The following MMS22L variants were observed in gnomAD, a reference collection of about 807,000 sequenced individuals.
MMS22L encodes MMS22 like, DNA repair protein.
Under a neutral mutation model 159.1 loss-of-function variants are expected in MMS22L, and 74 were observed. The observed-to-expected ratio is 0.47, with a 90% confidence interval of 0.39 to 0.56. The LOEUF (loss-of-function observed/expected upper bound fraction) is 0.56, where lower values mean the gene tolerates loss of function less well. MMS22L is among the 20% of genes least tolerant of loss of function. The pLI, the probability that MMS22L is intolerant of heterozygous loss-of-function variation, is 0.00. For synonymous variants in MMS22L, 517 were observed against 506.9 expected, an observed-to-expected ratio of 1.02 and a Z score of -0.27; for missense variants, 1,351 against 1,422.1, an observed-to-expected ratio of 0.95 and a Z score of 0.80.
chr6:97,203,862 A>C (rs1322878555), intron 14 of MMS22L, among the ~76,000 whole-genome samples: 2 of 152,200 alleles, frequency 1.3e-5, no homozygotes, highest in Non-Finnish European at 2.9e-5. Context: ...GGAAGGGGCT[A>C]AATTTTCCCC....
At chr6:97,156,270 G>T (rs952933470) in intron 22 of MMS22L, among the ~76,000 whole-genome samples, 1 of 152,102 alleles carries the variant, frequency 6.6e-6, no homozygotes, top group Admixed American at 6.6e-5. Context: ...TCATTCTGTA[G>T]GTTGCCTGTT....
chr6:97,176,990 T>C (rs1804191278), intron 18 of MMS22L, among the ~76,000 whole-genome samples: 1 of 152,142 alleles, frequency 6.6e-6, no homozygotes, highest in African/African-American at 2.4e-5. Flanking sequence ...CCTACTTCTC[T>C]GTCACCCTAA....
Position 97,178,130 on chromosome 6 carries a change from G to A in MMS22L, c.2679+313C>T, listed in dbSNP as rs149312325. On this transcript the variant is annotated intron_variant, in intron 18 of 24. Coordinates refer to ENST00000683635, the MANE Select transcript of MMS22L (RefSeq NM_001350599.2). ...AAGGATATTCAGTTCCCAAGCATCT[G>A]AACAATGCGGTTGTCCAGCAACTGT... Among the ~76,000 whole-genome samples the A allele has an allele frequency of 2.0e-5, 3 of 152,222 alleles. No homozygotes were observed. In the East Asian group the frequency reaches 5.8e-4, roughly 29 times the overall value.
intron 14 of MMS22L, among the ~76,000 whole-genome samples, chr6:97,221,890 T>C (rs1358776849): frequency 6.6e-6 from 1 of 152,116 alleles, no homozygotes; most frequent in Non-Finnish European, 1.5e-5. Context: ...AAAAATTCTA[T>C]CCAGTTTCAA....
At chr6:97,278,247 A>G (rs1458616646) in intron 4 of MMS22L, among the ~76,000 whole-genome samples, 1 of 152,090 alleles carries the variant, frequency 6.6e-6, no homozygotes, top group African/African-American at 2.4e-5. Context: ...TACTAAAAAT[A>G]TAAAAATTAG....
At chr6:97,150,661 T>C (rs908948195) in intron 23 of MMS22L, among the ~76,000 whole-genome samples, 1 of 152,184 alleles carries the variant, frequency 6.6e-6, no homozygotes, top group African/African-American at 2.4e-5. Flanking sequence ...GGCTTCACAA[T>C]TTTCACAAAT....
At chr6:97,212,244 A>C (rs1002595876) in intron 14 of MMS22L, among the ~76,000 whole-genome samples, 3 of 152,230 alleles carry the variant, frequency 2.0e-5, no homozygotes, top group African/African-American at 7.2e-5. Context: ...CAATAAGTGT[A>C]CTGGCTGGAA....
chr6:97,248,830 G>A (rs1812938594), intron 10 of MMS22L, among the ~76,000 whole-genome samples: 1 of 151,750 alleles, frequency 6.6e-6, no homozygotes. Context: ...TTGCACTCCA[G>A]TCTGGGCAAC....
At chr6:97,155,927 T>G (rs549028391) in intron 22 of MMS22L, among the ~76,000 whole-genome samples, 7 of 152,306 alleles carry the variant, frequency 4.6e-5, no homozygotes, top group African/African-American at 1.7e-4. Flanking sequence ...CCACAATGGT[T>G]GAACTAATTC....
intron 9 of MMS22L, chr6:97,259,891 T>C (rs1306885188): frequency 2.0e-5 from 3 of 152,118 alleles, no homozygotes; most frequent in Admixed American, 2.0e-4. Flanking sequence ...GCATTTTAAT[T>C]TTGGAGGGTA....
At chr6:97,243,423 A>G (rs1173690686) in intron 11 of MMS22L, among the ~76,000 whole-genome samples, 1 of 152,048 alleles carries the variant, frequency 6.6e-6, no homozygotes, top group Non-Finnish European at 1.5e-5. Context: ...TTTCATTTCC[A>G]GAAGTTGTGA....
At chr6:97,229,512 G>T in intron 13 of MMS22L, 109 bp from the exon 14 acceptor site, 2 of 773,716 alleles carry the variant, frequency 2.6e-6, no homozygotes, top group East Asian at 2.8e-5. Context: ...TAAATTTTAA[G>T]CTAATTCTTT....
chr6:97,214,332 T>C (rs1808731057), intron 14 of MMS22L, among the ~76,000 whole-genome samples: 1 of 152,018 alleles, frequency 6.6e-6, no homozygotes, highest in East Asian at 1.9e-4. Flanking sequence ...CCATGGAATA[T>C]TATGGTATAT....
chr6:97,263,925 G>T (rs1379509129), intron 8 of MMS22L: 1 of 152,328 alleles, frequency 6.6e-6, no homozygotes, highest in Non-Finnish European at 1.5e-5. Context: ...AGCCAGGATG[G>T]TCTCGATCTC....
In MMS22L at chr6:97,184,709, C is replaced by T. The variant is rs1455485063; in HGVS notation, c.2233+1788G>A. On this transcript the variant is annotated intron_variant, in intron 15 of 24. Transcript: ENST00000683635. Reference sequence around the variant, plus strand: ...CCACTTCTCACCACCTCTACTGCCACCACTCTAGCCACAGCTGCTCATTTT... The same window carrying T: ...CCACTTCTCACCACCTCTACTGCCATCACTCTAGCCACAGCTGCTCATTTT... Among the ~76,000 whole-genome samples the T allele has an allele frequency of 4.3e-4, 65 of 152,080 alleles. 2 individuals carry two copies. Among genetic ancestry groups the T allele is most frequent in the Non-Finnish European group, 2.9e-5 (2 of 67,974 alleles).
chr6:97,238,605 T>C (rs13213822), intron 11 of MMS22L, among the ~76,000 whole-genome samples: 1 of 119,820 alleles, frequency 8.3e-6, no homozygotes, highest in African/African-American at 3.5e-5. Context: ...GTGTGTGTGT[T>C]TGAGTGTATC....
chr6:97,188,875 T>C (rs915193283), intron 14 of MMS22L, among the ~76,000 whole-genome samples: 4 of 152,142 alleles, frequency 2.6e-5, no homozygotes, highest in African/African-American at 9.6e-5. Flanking sequence ...GGTAGGAGAA[T>C]TGCTTGAACC....
At chr6:97,212,399 G>A (rs1420636091) in intron 14 of MMS22L, among the ~76,000 whole-genome samples, 1 of 152,100 alleles carries the variant, frequency 6.6e-6, no homozygotes, top group East Asian at 1.9e-4. Flanking sequence ...TCTTTTCATG[G>A]AATACCTATC....
At chr6:97,274,138 G>A (rs1470649815) in intron 4 of MMS22L, among the ~76,000 whole-genome samples, 1 of 152,110 alleles carries the variant, frequency 6.6e-6, no homozygotes, top group African/African-American at 2.4e-5. Context: ...GAATGAGTAA[G>A]AGACAATCTA....
Sources: allele counts gnomAD v4.1 joint callset (sites outside exome capture counted in the v4.1 genomes callset), GRCh38; gene constraint gnomAD v4.1.1; transcripts MANE v1.5; gene names NCBI Gene and HGNC (gene_info 2026-07-23, HGNC 2026-07-21).